Variants in RTN1 observed in about 807,000 individuals in gnomAD.
RTN1 encodes the protein reticulon 1.
A neutral mutation model predicts 65.5 loss-of-function variants in RTN1; 25 were observed. The ratio of observed to expected loss-of-function variants is 0.38; its 90% CI spans 0.28 to 0.53. The LOEUF is 0.53. Ranked by LOEUF, RTN1 falls within the 20% of genes least tolerant of loss-of-function variation. RTN1 has a pLI of 0.79. For missense variants in RTN1, 983 were observed against 1,025.4 expected, an observed-to-expected ratio of 0.96 and a Z score of 0.57; for synonymous variants, 471 against 447.6, an observed-to-expected ratio of 1.05 and a Z score of -0.66.
intron 1 of RTN1, among the ~76,000 whole-genome samples, chr14:59,827,068 G>T (rs934159535): frequency 7.0e-6 from 1 of 143,730 alleles, no homozygotes; most frequent in Non-Finnish European, 1.5e-5. Context: ...TATGTGTTTT[G>T]TTGTTGTTGT....
At chr14:59,759,466 T>C (rs1482071704) in intron 1 of RTN1, among the ~76,000 whole-genome samples, 1 of 152,124 alleles carries the variant, frequency 6.6e-6, no homozygotes, top group East Asian at 1.9e-4. Flanking sequence ...CTAAATGAGA[T>C]AGTAGAATCA....
intron 1 of RTN1, among the ~76,000 whole-genome samples, chr14:59,860,326 C>T (rs1441382643): frequency 6.6e-6 from 1 of 152,204 alleles, no homozygotes; most frequent in African/African-American, 2.4e-5. Flanking sequence ...GCAGCTTCCA[C>T]GTGGTATTGA....
At chr14:59,756,849 T>TG (rs1885649786) in intron 1 of RTN1, among the ~76,000 whole-genome samples, 3 of 149,630 alleles carry the variant, frequency 2.0e-5, no homozygotes, top group Admixed American at 2.0e-4. Flanking sequence ...TTGTTTTTTT[T>TG]TTTTTGTCTC....
intron 3 of RTN1, among the ~76,000 whole-genome samples, chr14:59,645,412 T>TGTTACATGTTTTCTAC (rs1566671173): frequency 0.018 from 2,693 of 151,014 alleles, 87 homozygotes; most frequent in African/African-American, 0.06. Flanking sequence ...ATGTTTTCTA[T>TGTTACATGTTTTCTAC]ATGTTACATG....
intron 3 of RTN1, among the ~76,000 whole-genome samples, chr14:59,640,333 T>A (rs891815158): frequency 5.9e-5 from 9 of 152,190 alleles, no homozygotes; most frequent in Non-Finnish European, 1.2e-4. Flanking sequence ...TTATTTATTT[T>A]TTGAGATGGA....
intron 1 of RTN1, among the ~76,000 whole-genome samples, chr14:59,861,110 G>A (rs1293126343): frequency 6.6e-6 from 1 of 152,082 alleles, no homozygotes; most frequent in African/African-American, 2.4e-5. Context: ...ATTTGGGAGG[G>A]GCCAGGGGCA....
At chr14:59,843,189 A>G (rs1014270303) in intron 1 of RTN1, among the ~76,000 whole-genome samples, 8 of 152,258 alleles carry the variant, frequency 5.3e-5, no homozygotes, top group African/African-American at 1.9e-4. Context: ...AATGTTTAGC[A>G]AAGCATTATA....
At chr14:59,752,830 A>T (rs958274405) in intron 1 of RTN1, among the ~76,000 whole-genome samples, 19 of 152,224 alleles carry the variant, frequency 1.2e-4, no homozygotes, top group African/African-American at 4.1e-4. Flanking sequence ...CAAAGAGGAC[A>T]TTTTAAATCT....
In RTN1 at chr14:59,868,532, A is replaced by G. The variant is rs1243243768; in HGVS notation, c.241+1858T>C. Among the ~76,000 whole-genome samples, 1 of 152,218 alleles carries G rather than the reference A, an allele frequency of 6.6e-6. No homozygotes were observed. Among genetic ancestry groups the G allele is most frequent in the Non-Finnish European group, 1.5e-5 (1 of 68,042 alleles). On this transcript the variant is annotated intron_variant, in intron 1 of 8. Transcript: ENST00000267484. The surrounding 1 kb of genome is among the most constrained non-coding windows in gnomAD (Gnocchi z 4.0). Reference sequence around the variant, plus strand: ...ATGCACTGTACATTTTGAAATTGCTAAAAGAGTAAATTTTAAACGCTTTTA... The same window carrying G: ...ATGCACTGTACATTTTGAAATTGCTGAAAGAGTAAATTTTAAACGCTTTTA...
At chr14:59,754,528 G>A (rs374712120) in intron 1 of RTN1, among the ~76,000 whole-genome samples, 1 of 152,112 alleles carries the variant, frequency 6.6e-6, no homozygotes, top group African/African-American at 2.4e-5. Context: ...GTGAGATGTT[G>A]GGTAAGTTAG....
intron 2 of RTN1, among the ~76,000 whole-genome samples, chr14:59,734,927 C>A (rs767654506): frequency 2.6e-5 from 4 of 152,184 alleles, no homozygotes; most frequent in Middle Eastern, 3.4e-3. Flanking sequence ...CCCCAAGACA[C>A]ATAATCATCA....
At chr14:59,720,230 C>G (rs781080883) in intron 3 of RTN1, among the ~76,000 whole-genome samples, 1 of 148,032 alleles carries the variant, frequency 6.8e-6, no homozygotes, top group Non-Finnish European at 1.5e-5. Context: ...GGAAACCCCA[C>G]CACTCAGTGA....
intron 3 of RTN1, among the ~76,000 whole-genome samples, chr14:59,685,345 AG>A (rs1883825170): frequency 6.6e-6 from 1 of 152,212 alleles, no homozygotes; most frequent in African/African-American, 2.4e-5. Flanking sequence ...AAGAAATAAA[AG>A]GCATCCAAAT....
chr14:59,668,124 A>C (rs574586428), intron 3 of RTN1, among the ~76,000 whole-genome samples: 2 of 152,322 alleles, frequency 1.3e-5, no homozygotes, highest in Non-Finnish European at 2.9e-5. Context: ...ATATGGAACC[A>C]AAAAAGGGCC....
chr14:59,752,083 ACATC>A, intron 1 of RTN1, among the ~76,000 whole-genome samples: 1 of 152,158 alleles, frequency 6.6e-6, no homozygotes, highest in East Asian at 1.9e-4. Flanking sequence ...TCCAACCTCC[ACATC>A]CACACCTCTG....
intron 3 of RTN1, among the ~76,000 whole-genome samples, chr14:59,636,128 T>C (rs189982046): frequency 4.0e-4 from 61 of 152,268 alleles, no homozygotes; most frequent in African/African-American, 1.3e-3. Flanking sequence ...AAGTTTAAAG[T>C]AGAAATGGAA....
intron 1 of RTN1, among the ~76,000 whole-genome samples, chr14:59,833,456 T>C (rs1460980987): frequency 6.6e-6 from 1 of 152,164 alleles, no homozygotes; most frequent in African/African-American, 2.4e-5. Context: ...AAAACTCAAT[T>C]ATAGGAAAAT....
intron 3 of RTN1, among the ~76,000 whole-genome samples, chr14:59,690,026 C>T (rs1883928506): frequency 6.7e-6 from 1 of 150,110 alleles, no homozygotes; most frequent in Admixed American, 6.7e-5. Flanking sequence ...TTATGTTGAA[C>T]AGGATGGTCT....
chr14:59,670,323 T>C (rs1419380442), intron 3 of RTN1, among the ~76,000 whole-genome samples: 2 of 152,302 alleles, frequency 1.3e-5, no homozygotes, highest in Admixed American at 1.3e-4. Context: ...CAAACCACTC[T>C]TAACTTATAT....
Sources: gnomAD v4.1 joint callset for allele counts (sites outside exome capture counted in the v4.1 genomes callset) on GRCh38, gnomAD v4.1.1 for gene constraint, Gnocchi (gnomAD v3.1) non-coding constraint, MANE v1.5 for transcripts, NCBI Gene and HGNC (gene_info 2026-07-23, HGNC 2026-07-21) for gene names.